Variants in CDO1 observed in about 807,000 individuals in gnomAD.
The protein encoded by CDO1 is cysteine dioxygenase, type I.
In CDO1, 19 loss-of-function variants were observed where a neutral mutation model predicts 24.5. The observed-to-expected ratio is 0.77, with a 90% CI of 0.54 to 1.14. The LOEUF is 1.14. CDO1 is among the 50% of genes most tolerant of loss of function. The pLI is 0.00. For synonymous variants in CDO1, 91 were observed against 87.0 expected, an observed-to-expected ratio of 1.05 and a Z score of -0.26; for missense variants, 244 against 244.8, an observed-to-expected ratio of 1.00 and a Z score of 0.02.
At chr5:115,813,520 A>G (rs982742329) in intron 1 of CDO1, among the ~76,000 whole-genome samples, 1 of 152,206 alleles carries the variant, frequency 6.6e-6, no homozygotes, top group Non-Finnish European at 1.5e-5. Flanking sequence ...AAAAACCGAA[A>G]TTGCATGTTT....
intron 1 of CDO1, among the ~76,000 whole-genome samples, chr5:115,814,741 G>A (rs1416902513): frequency 1.3e-5 from 2 of 152,180 alleles, no homozygotes; most frequent in East Asian, 1.9e-4. Flanking sequence ...TTTAACAGTG[G>A]TTTAGAGTGT....
In CDO1 at chr5:115,805,149, C is replaced by A; in HGVS notation, c.*284G>T. The A allele has an allele frequency of 2.8e-6, 1 of 355,090 alleles. No individual in the cohort carries two copies. Among genetic ancestry groups the A allele is most frequent in the Non-Finnish European group, 5.0e-6 (1 of 198,730 alleles). The allele number at this position is 355,090 out of a possible 1,614,324, so 22.0% of individuals were successfully genotyped here. On this transcript the variant is annotated 3_prime_UTR_variant, in exon 5 of 5. Coordinates refer to ENST00000250535, the MANE Select transcript of CDO1 (RefSeq NM_001801.3). ...AGCTATGAAAACCCTCACTGACGCTCCTAGTATGGATTTAATGGAATTAGA... is the reference window on the plus strand; with the variant it reads ...AGCTATGAAAACCCTCACTGACGCTACTAGTATGGATTTAATGGAATTAGA...
At chr5:115,807,221 G>T (rs1759985094) in intron 3 of CDO1, among the ~76,000 whole-genome samples, 1 of 152,168 alleles carries the variant, frequency 6.6e-6, no homozygotes, top group African/African-American at 2.4e-5. Context: ...CCAGGCAGAA[G>T]ATAGGAAGCA....
chr5:115,813,034 T>C, intron 2 of CDO1, 147 bp downstream of exon 2: 2 of 492,444 alleles, frequency 4.1e-6, no homozygotes, highest in East Asian at 3.4e-5. Flanking sequence ...GCAACAAGAG[T>C]GAACCACTGT....
chr5:115,805,668 G>T (rs1759916955), intron 4 of CDO1, among the ~76,000 whole-genome samples: 1 of 152,194 alleles, frequency 6.6e-6, no homozygotes, highest in South Asian at 2.1e-4. Context: ...AGAAAATTCT[G>T]CCCTGGCTTC....
At chr5:115,814,077 G>T (rs1760318651) in intron 1 of CDO1, 1 of 151,940 alleles carries the variant, frequency 6.6e-6, no homozygotes, top group African/African-American at 2.4e-5. Context: ...AAAGAAAAGG[G>T]GTCTTTACTC....
chr5:115,812,225 G>A (rs1760220311), intron 2 of CDO1, among the ~76,000 whole-genome samples: 1 of 152,158 alleles, frequency 6.6e-6, no homozygotes, highest in Admixed American at 6.5e-5. Flanking sequence ...GCACTCTACA[G>A]ACCTAACTTT....
In CDO1 at chr5:115,813,166, G is replaced by A. The variant is rs1366258075; in HGVS notation, c.248+15C>T. 3.5e-6 allele frequency: 5 copies of A among 1,439,214 alleles called. No individual in the cohort carries two copies. Among genetic ancestry groups the A allele is most frequent in the Non-Finnish European group, 4.9e-6 (5 of 1,025,552 alleles). The allele number at this position is 1,439,214 out of a possible 1,614,324, so 89.2% of individuals were successfully genotyped here. A position where few individuals can be genotyped will look rare whatever the true frequency, so the allele number is the denominator to read the frequency against. On this transcript the variant is annotated intron_variant, in intron 2 of 4. Coordinates refer to ENST00000250535, the MANE Select transcript of CDO1 (RefSeq NM_001801.3). ...CATGCTCTAATAAATATCTGTGAAT[G>A]AATAGTTATTTTACCTGCCATGTCC...
At chr5:115,808,219 T>A (rs1241622293) in intron 3 of CDO1, among the ~76,000 whole-genome samples, 1 of 152,112 alleles carries the variant, frequency 6.6e-6, no homozygotes, top group African/African-American at 2.4e-5. Context: ...GCTCAAGCAA[T>A]TCTTCCATCT....
chr5:115,808,598 C>G (rs888209000), intron 3 of CDO1, among the ~76,000 whole-genome samples: 2 of 152,030 alleles, frequency 1.3e-5, no homozygotes, highest in African/African-American at 2.4e-5. Flanking sequence ...AGAATGTAAG[C>G]CTTACATTGT....
intron 2 of CDO1, 24 bp from the exon 3 acceptor site, chr5:115,811,339 T>A (rs912454050): frequency 5.0e-6 from 8 of 1,595,090 alleles, no homozygotes; most frequent in African/African-American, 1.3e-5. Context: ...AAATGACAAC[T>A]GAACTCAGTA....
At position 115,806,342 on chromosome 5, in the gene CDO1, T is replaced by C. The variant is rs1455585356; in HGVS notation, c.573+7A>G. 6.3e-7 allele frequency: 1 copy of C among 1,594,372 alleles called. No homozygotes were observed. Among genetic ancestry groups the C allele is most frequent in the Non-Finnish European group, 8.5e-7 (1 of 1,171,420 alleles). On this transcript the variant is annotated splice_region_variant and intron_variant, in intron 4 of 4. Transcript: ENST00000250535. ...GAGCATTTAAACCTAGAAGAAATTA[T>C]ACTCACATTTGGAGTTCTGATTCCA...
At chr5:115,805,894 C>G (rs1364493930) in intron 4 of CDO1, among the ~76,000 whole-genome samples, 1 of 152,156 alleles carries the variant, frequency 6.6e-6, no homozygotes, top group East Asian at 1.9e-4. Flanking sequence ...TTAGTATAGT[C>G]TATTCTTATT....
At chr5:115,805,645 C>T (rs1300118654) in intron 4 of CDO1, among the ~76,000 whole-genome samples, 183 bp from the exon 5 acceptor site, 1 of 152,136 alleles carries the variant, frequency 6.6e-6, no homozygotes, top group Non-Finnish European at 1.5e-5. Flanking sequence ...AAAGATGAAG[C>T]GGAGCGATAA....
chr5:115,811,630 C>T (rs1760193231), intron 2 of CDO1, among the ~76,000 whole-genome samples: 1 of 152,056 alleles, frequency 6.6e-6, no homozygotes, highest in African/African-American at 2.4e-5. Context: ...CTTTATCTTC[C>T]CCCAAATACA....
chr5:115,811,359 G>A, intron 2 of CDO1, 44 bp from the exon 3 acceptor site: 1 of 1,491,194 alleles, frequency 6.7e-7, no homozygotes, highest in Non-Finnish European at 9.3e-7. Context: ...AGATGGTCTA[G>A]TATCCAGACC....
rs1219259758 is a variant in CDO1 at position 115,816,651 on chromosome 5, C to A, written c.-254G>T. On this transcript the variant is annotated 5_prime_UTR_variant, in exon 1 of 5. Transcript: ENST00000250535. ...ACGCGGTGCACACACAAATCAGGTT[C>A]AGATCTGTGGGGTTCATCCTCCCGG... 2 of 506,314 alleles carry A rather than the reference C, an allele frequency of 4.0e-6. No individual in the cohort carries two copies. Among genetic ancestry groups the A allele is most frequent in the Non-Finnish European group, 3.6e-6 (1 of 278,176 alleles). 31.4% of individuals were successfully genotyped at this position (506,314 alleles called of 1,614,324 possible). A position where few individuals can be genotyped will look rare whatever the true frequency, so the allele number is the denominator to read the frequency against.
At chr5:115,808,287 G>A (rs1270177012) in intron 3 of CDO1, among the ~76,000 whole-genome samples, 1 of 152,076 alleles carries the variant, frequency 6.6e-6, no homozygotes, top group Non-Finnish European at 1.5e-5. Flanking sequence ...CCAGCCCTAG[G>A]CTTTTGATAA....
intron 1 of CDO1, among the ~76,000 whole-genome samples, chr5:115,815,907 G>A (rs904998113): frequency 2.0e-5 from 3 of 152,252 alleles, no homozygotes; most frequent in African/African-American, 7.2e-5. Context: ...AGGACTGGTG[G>A]TTTAGAAGCA....
Sources: gnomAD v4.1 joint callset for allele counts (sites outside exome capture counted in the v4.1 genomes callset) on GRCh38, gnomAD v4.1.1 for gene constraint, MANE v1.5 for transcripts, NCBI Gene and HGNC (gene_info 2026-07-23, HGNC 2026-07-21) for gene names.